The following TMTC2 variants were observed in gnomAD, a reference collection of about 807,000 sequenced individuals.
TMTC2 encodes the protein protein O-mannosyl-transferase TMTC2.
A neutral mutation model predicts 82.4 loss-of-function variants in TMTC2; 43 were observed. The observed-to-expected ratio is 0.52, with a 90% CI of 0.41 to 0.67. TMTC2 has a LOEUF of 0.67. Among genes scored for constraint, TMTC2 ranks in the 30% least tolerant of loss-of-function variants. TMTC2 has a pLI of 0.00. For synonymous variants in TMTC2, 408 were observed against 381.9 expected, an observed-to-expected ratio of 1.07 and a Z score of -0.80; for missense variants, 919 against 1,012.4, an observed-to-expected ratio of 0.91 and a Z score of 1.25.
intron 1 of TMTC2, among the ~76,000 whole-genome samples, chr12:82,790,763 G>T (rs1878431633): frequency 6.6e-6 from 1 of 150,710 alleles, no homozygotes. Flanking sequence ...GGAGGCGGAG[G>T]TTACAGTGAG....
At chr12:83,121,170 T>G (rs1884935211) in intron 11 of TMTC2, among the ~76,000 whole-genome samples, 1 of 152,214 alleles carries the variant, frequency 6.6e-6, no homozygotes, top group Non-Finnish European at 1.5e-5. Flanking sequence ...GGATTTCGTC[T>G]TGGTTTGGAT....
At chr12:82,849,851 C>A (rs1422106759) in intron 1 of TMTC2, among the ~76,000 whole-genome samples, 2 of 152,000 alleles carry the variant, frequency 1.3e-5, no homozygotes, top group African/African-American at 2.4e-5. Context: ...GATTTTGGTT[C>A]TTTTATTTTG....
At chr12:82,700,577 G>C (rs537595482) in intron 1 of TMTC2, among the ~76,000 whole-genome samples, 3 of 152,088 alleles carry the variant, frequency 2.0e-5, no homozygotes, top group Non-Finnish European at 4.4e-5. Context: ...GTGATGTTGA[G>C]ATTTTACCAT....
In TMTC2 at chr12:82,687,670, G is replaced by A. The variant is rs1208642389; in HGVS notation, c.83+1G>A. 1.9e-6 allele frequency: 3 copies of A among 1,602,862 alleles called. No individual in the cohort carries two copies. The highest frequency in any genetic ancestry group is 4.5e-5 in the East Asian group (2 of 44,408). On this transcript the variant is annotated splice_donor_variant, in intron 1 of 11. Coordinates refer to ENST00000321196, the MANE Select transcript of TMTC2 (RefSeq NM_152588.3). LOFTEE classifies it high-confidence loss of function. ...GTGCGGATTTCTGCTATGATGACAG[G>A]TAAGGGGCCGAGAGGAGGGGGCGAC...
At chr12:83,090,243 C>T (rs1398832325) in intron 11 of TMTC2, among the ~76,000 whole-genome samples, 3 of 152,078 alleles carry the variant, frequency 2.0e-5, no homozygotes, top group African/African-American at 7.2e-5. Flanking sequence ...TACATAAATC[C>T]ATGTGCTGAG....
intron 9 of TMTC2, among the ~76,000 whole-genome samples, chr12:83,046,431 C>G (rs1004999610): frequency 1.3e-5 from 2 of 152,178 alleles, no homozygotes; most frequent in Non-Finnish European, 2.9e-5. Flanking sequence ...GTGCCTTGCT[C>G]TCTATTTTAG....
At chr12:82,967,787 G>A (rs11115499) in intron 7 of TMTC2, among the ~76,000 whole-genome samples, 11,035 of 152,080 alleles carry the variant, frequency 0.073, 1,344 homozygotes, top group African/African-American at 0.25. Flanking sequence ...TTTTTCCAAA[G>A]CATAAATTGT....
intron 1 of TMTC2, among the ~76,000 whole-genome samples, chr12:82,845,144 G>T (rs572982232): frequency 1.4e-5 from 2 of 141,180 alleles, no homozygotes; most frequent in African/African-American, 2.7e-5. Context: ...CAGGAGAATC[G>T]CTTGAACCTG....
At chr12:82,983,945 A>G (rs902618911) in intron 7 of TMTC2, among the ~76,000 whole-genome samples, 8 of 151,954 alleles carry the variant, frequency 5.3e-5, no homozygotes, top group African/African-American at 1.9e-4. Context: ...TATTTCCTTT[A>G]TTTGAAACAT....
chr12:82,827,409 G>T (rs1204690055), intron 1 of TMTC2, among the ~76,000 whole-genome samples: 1 of 152,144 alleles, frequency 6.6e-6, no homozygotes, highest in African/African-American at 2.4e-5. Context: ...AGGGGCCCAA[G>T]CTAAGACAGG....
chr12:82,828,974 C>A (rs563794106), intron 1 of TMTC2, among the ~76,000 whole-genome samples: 10 of 152,164 alleles, frequency 6.6e-5, no homozygotes, highest in South Asian at 4.2e-4. Context: ...GGTAATTTGA[C>A]ACTGTTATAG....
intron 4 of TMTC2, among the ~76,000 whole-genome samples, chr12:82,951,069 A>G (rs1264380872): frequency 2.6e-5 from 4 of 152,350 alleles, no homozygotes; most frequent in East Asian, 1.9e-4. Flanking sequence ...AGAGGGCTTA[A>G]CTGTATTTTC....
At chr12:82,855,044 C>T (rs1871187599) in intron 1 of TMTC2, among the ~76,000 whole-genome samples, 1 of 152,314 alleles carries the variant, frequency 6.6e-6, no homozygotes, top group Non-Finnish European at 1.5e-5. Flanking sequence ...GCACTGTTCT[C>T]TGCTTCTCTA....
intron 1 of TMTC2, among the ~76,000 whole-genome samples, chr12:82,794,193 A>T (rs1031375240): frequency 6.6e-6 from 1 of 152,038 alleles, no homozygotes; most frequent in Admixed American, 6.5e-5. Context: ...GCAGGCCCGC[A>T]ATTTGTTCAG....
At chr12:82,700,567 G>C (rs567560995) in intron 1 of TMTC2, among the ~76,000 whole-genome samples, 28 of 152,238 alleles carry the variant, frequency 1.8e-4, no homozygotes, top group Non-Finnish European at 3.8e-4. Flanking sequence ...GTTTGGAGAA[G>C]TGATGTTGAG....
At chr12:82,906,676 C>G (rs1314350193) in intron 3 of TMTC2, among the ~76,000 whole-genome samples, 3 of 151,990 alleles carry the variant, frequency 2.0e-5, no homozygotes. Context: ...GGGACAAGAG[C>G]AAGACTTTGT....
intron 2 of TMTC2, among the ~76,000 whole-genome samples, chr12:82,883,567 G>A (rs1031402926): frequency 6.6e-6 from 1 of 152,072 alleles, no homozygotes; most frequent in African/African-American, 2.4e-5. Context: ...CCAAAATGCT[G>A]GGCTCACATG....
intron 2 of TMTC2, among the ~76,000 whole-genome samples, chr12:82,871,340 A>G (rs1356544229): frequency 6.6e-6 from 1 of 151,264 alleles, no homozygotes; most frequent in Non-Finnish European, 1.5e-5. Flanking sequence ...GAAAGATCCA[A>G]GTAGTATTAC....
chr12:82,993,808 G>C (rs935891773), intron 8 of TMTC2, among the ~76,000 whole-genome samples: 4 of 152,220 alleles, frequency 2.6e-5, no homozygotes, highest in African/African-American at 9.6e-5. Context: ...AGACATTAAT[G>C]AGTGTAGAAA....
Sources: allele counts gnomAD v4.1 joint callset (sites outside exome capture counted in the v4.1 genomes callset), GRCh38; gene constraint gnomAD v4.1.1; transcripts MANE v1.5; gene names NCBI Gene and HGNC (gene_info 2026-07-23, HGNC 2026-07-21).